Variants in LRBA observed in about 807,000 individuals in gnomAD.
LRBA encodes lipopolysaccharide-responsive and beige-like anchor protein.
In LRBA, 176 loss-of-function variants were observed where a neutral mutation model predicts 330.0. The ratio of observed to expected loss-of-function variants is 0.53; its 90% CI spans 0.47 to 0.60. The LOEUF is 0.60. Ranked by LOEUF, LRBA falls within the 20% of genes least tolerant of loss-of-function variation. LRBA has a pLI of 0.00. For synonymous variants in LRBA, 1,230 were observed against 1,193.0 expected (o/e 1.03, Z -0.64); for missense variants, 3,259 against 3,444.8 (o/e 0.95, Z 1.35).
chr4:150,945,830 C>T (rs1317664888), intron 2 of LRBA, among the ~76,000 whole-genome samples: 1 of 150,662 alleles, frequency 6.6e-6, no homozygotes, highest in African/African-American at 2.4e-5. Context: ...GATGGAGTCT[C>T]GCTTTGTTGC....
chr4:150,887,609 A>T (rs1320513415), intron 17 of LRBA, among the ~76,000 whole-genome samples: 1 of 151,990 alleles, frequency 6.6e-6, no homozygotes, highest in African/African-American at 2.4e-5. Context: ...TCTACTAAAA[A>T]TACAAAAAAA....
chr4:150,442,775 C>T (rs1752004995), intron 44 of LRBA, among the ~76,000 whole-genome samples: 1 of 152,098 alleles, frequency 6.6e-6, no homozygotes, highest in Admixed American at 6.6e-5. Flanking sequence ...GACAGAATAT[C>T]ATCAAGCATC....
intron 47 of LRBA, among the ~76,000 whole-genome samples, chr4:150,384,037 T>TTTAG (rs1469152244): frequency 1.3e-5 from 2 of 151,842 alleles, no homozygotes; most frequent in African/African-American, 2.4e-5. Context: ...TTATTTTTTA[T>TTTAG]TTATTTATTT....
chr4:150,449,433 T>A (rs1337875919), intron 44 of LRBA, among the ~76,000 whole-genome samples: 1 of 149,116 alleles, frequency 6.7e-6, no homozygotes, highest in Admixed American at 6.8e-5. Context: ...TACTTAAGAA[T>A]GAGGATGAAT....
At chr4:150,749,302 GC>G (rs1382751818) in intron 35 of LRBA, among the ~76,000 whole-genome samples, 7 of 152,230 alleles carry the variant, frequency 4.6e-5, no homozygotes, top group African/African-American at 1.7e-4. Flanking sequence ...AGGTAAACTG[GC>G]TCACACCTGT....
At chr4:150,847,479 G>C (rs1274548576) in intron 26 of LRBA, among the ~76,000 whole-genome samples, 1 of 152,062 alleles carries the variant, frequency 6.6e-6, no homozygotes, top group African/African-American at 2.4e-5. Context: ...GTGGCAAAAA[G>C]CACAGGTATA....
intron 42 of LRBA, among the ~76,000 whole-genome samples, chr4:150,487,067 T>G (rs1310014781): frequency 2.0e-5 from 3 of 151,828 alleles, no homozygotes; most frequent in Admixed American, 6.6e-5. Context: ...TTCTGTATCT[T>G]GGCTATTGGG....
At chr4:150,886,439 G>T (rs1728946080) in intron 17 of LRBA, among the ~76,000 whole-genome samples, 1 of 152,152 alleles carries the variant, frequency 6.6e-6, no homozygotes, top group South Asian at 2.1e-4. Context: ...CCCAAGAGAC[G>T]CATGGGTGTG....
intron 47 of LRBA, among the ~76,000 whole-genome samples, chr4:150,411,772 A>C (rs1747043878): frequency 1.3e-5 from 2 of 152,208 alleles, no homozygotes; most frequent in Admixed American, 6.5e-5. Context: ...TTAATGAGTA[A>C]GGTATAATGA....
chr4:150,806,667 T>C (rs1488299194), intron 32 of LRBA, among the ~76,000 whole-genome samples: 1 of 152,122 alleles, frequency 6.6e-6, no homozygotes, highest in Non-Finnish European at 1.5e-5. Context: ...AAGTCTCACC[T>C]GGCCAGTTAA....
chr4:150,638,099 T>C (rs142452432), intron 37 of LRBA, among the ~76,000 whole-genome samples: 1 of 151,952 alleles, frequency 6.6e-6, no homozygotes. Context: ...TTTAATTATT[T>C]TTTTTTTTTG....
chr4:150,945,120 C>CT (rs1356806966), intron 2 of LRBA, among the ~76,000 whole-genome samples: 2 of 152,154 alleles, frequency 1.3e-5, no homozygotes, highest in African/African-American at 4.8e-5. Flanking sequence ...CTGGAAAGTT[C>CT]TTTTTTTCCA....
intron 46 of LRBA, among the ~76,000 whole-genome samples, chr4:150,431,948 AT>A (rs1378601637): frequency 6.6e-6 from 1 of 152,214 alleles, no homozygotes; most frequent in Non-Finnish European, 1.5e-5. Context: ...CTTCTTTAAA[AT>A]AAAAAGAATT....
At chr4:150,307,221 G>A (rs138678799) in intron 52 of LRBA, among the ~76,000 whole-genome samples, 12 of 151,986 alleles carry the variant, frequency 7.9e-5, no homozygotes, top group African/African-American at 1.9e-4. Flanking sequence ...TCTGAAAAAG[G>A]CACAACTAAA....
At chr4:150,614,079 T>C (rs1386723166) in intron 37 of LRBA, among the ~76,000 whole-genome samples, 1 of 152,240 alleles carries the variant, frequency 6.6e-6, no homozygotes, top group East Asian at 1.9e-4. Flanking sequence ...TGCCATTCTA[T>C]GGCGGGAAAT....
At chr4:150,814,713 T>A (rs1233836687) in intron 31 of LRBA, among the ~76,000 whole-genome samples, 5 of 151,898 alleles carry the variant, frequency 3.3e-5, no homozygotes, top group Non-Finnish European at 4.4e-5. Context: ...GGTAACTATT[T>A]GAGAAACTCC....
intron 28 of LRBA, among the ~76,000 whole-genome samples, chr4:150,842,320 C>A (rs1422559140): frequency 6.6e-6 from 1 of 152,150 alleles, no homozygotes; most frequent in Non-Finnish European, 1.5e-5. Context: ...GAGACAGGGT[C>A]TTGCTGTGTC....
intron 2 of LRBA, among the ~76,000 whole-genome samples, chr4:150,963,688 C>T (rs1290337431): frequency 6.8e-6 from 1 of 147,290 alleles, no homozygotes. Flanking sequence ...GCCGCCCAGT[C>T]CGGGAAGTGA....
At chr4:150,862,566 T>C (rs1263346298) in intron 22 of LRBA, among the ~76,000 whole-genome samples, 1 of 151,438 alleles carries the variant, frequency 6.6e-6, no homozygotes, top group African/African-American at 2.4e-5. Flanking sequence ...TTAGGAGATA[T>C]ACCTAATGTA....
Sources: allele counts gnomAD v4.1 joint callset (sites outside exome capture counted in the v4.1 genomes callset), GRCh38; gene constraint gnomAD v4.1.1; transcripts MANE v1.5; gene names NCBI Gene and HGNC (gene_info 2026-07-23, HGNC 2026-07-21).